The following CEP112 variants were observed in gnomAD, a reference collection of about 807,000 sequenced individuals.
CEP112 encodes centrosomal protein of 112 kDa.
Under a neutral mutation model 153.0 loss-of-function variants are expected in CEP112, and 127 were observed. The ratio of observed to expected loss-of-function variants is 0.83; its 90% CI spans 0.72 to 0.96. CEP112 has a LOEUF of 0.96. CEP112 is among the 40% of genes least tolerant of loss of function. The pLI is 0.00. For synonymous variants in CEP112, 358 were observed against 374.4 expected, an observed-to-expected ratio of 0.96 and a Z score of 0.51; for missense variants, 1,089 against 1,101.2, an observed-to-expected ratio of 0.99 and a Z score of 0.16.
chr17:66,116,542 T>C (rs1216500149), intron 6 of CEP112, among the ~76,000 whole-genome samples: 2 of 152,282 alleles, frequency 1.3e-5, no homozygotes, highest in East Asian at 3.9e-4. Flanking sequence ...CTGCACTTGG[T>C]TTTTATTACT....
chr17:66,063,611 G>A (rs2067006129), intron 10 of CEP112, among the ~76,000 whole-genome samples: 1 of 152,134 alleles, frequency 6.6e-6, no homozygotes, highest in Non-Finnish European at 1.5e-5. Context: ...ATGAATCCAT[G>A]TAACCAAAAC....
chr17:65,807,465 T>C (rs1352675496), intron 21 of CEP112, among the ~76,000 whole-genome samples: 1 of 152,182 alleles, frequency 6.6e-6, no homozygotes, highest in Non-Finnish European at 1.5e-5. Flanking sequence ...CAAATGTTAA[T>C]AGCCAAGACA....
intron 18 of CEP112, 27 bp from the exon 19 acceptor site, chr17:65,927,716 A>G: frequency 1.4e-6 from 2 of 1,401,112 alleles, no homozygotes; most frequent in South Asian, 1.4e-5. Flanking sequence ...TCAAATATTA[A>G]TTTTTTAAAC....
intron 4 of CEP112, among the ~76,000 whole-genome samples, chr17:66,139,437 T>C (rs2070586920): frequency 6.6e-6 from 1 of 151,970 alleles, no homozygotes; most frequent in African/African-American, 2.4e-5. Context: ...GCCTCATTTC[T>C]ACAAAAAAAT....
chr17:65,691,243 G>GT (rs1246341790), intron 23 of CEP112, among the ~76,000 whole-genome samples: 1 of 152,148 alleles, frequency 6.6e-6, no homozygotes. Flanking sequence ...GGAGACACGA[G>GT]TTCAGACACA....
intron 17 of CEP112, among the ~76,000 whole-genome samples, chr17:65,977,602 C>T (rs1317654509): frequency 6.6e-6 from 1 of 152,126 alleles, no homozygotes; most frequent in African/African-American, 2.4e-5. Context: ...TGGTGGGCAG[C>T]AGTCAGAGCT....
chr17:65,990,336 G>A (rs2063551350), intron 17 of CEP112, among the ~76,000 whole-genome samples: 1 of 152,204 alleles, frequency 6.6e-6, no homozygotes, highest in Non-Finnish European at 1.5e-5. Context: ...CAAAACTCAG[G>A]TGAGCAATCA....
intron 20 of CEP112, among the ~76,000 whole-genome samples, chr17:65,877,797 T>C (rs1265606784): frequency 1.3e-5 from 2 of 152,154 alleles, no homozygotes; most frequent in East Asian, 3.9e-4. Flanking sequence ...AGTTTAAAAA[T>C]TAGTAGGCAT....
chr17:66,188,592 T>C (rs1423527078), intron 1 of CEP112, among the ~76,000 whole-genome samples: 1 of 151,868 alleles, frequency 6.6e-6, no homozygotes, highest in African/African-American at 2.4e-5. Context: ...CTGTTTTTTT[T>C]TTTTTTTACA....
At chr17:65,982,613 G>A (rs1170581446) in intron 17 of CEP112, among the ~76,000 whole-genome samples, 1 of 152,162 alleles carries the variant, frequency 6.6e-6, no homozygotes, top group Non-Finnish European at 1.5e-5. Flanking sequence ...AGGGTAAAAG[G>A]GAAATGTGTG....
intron 21 of CEP112, among the ~76,000 whole-genome samples, chr17:65,754,528 G>A (rs1201637820): frequency 6.6e-6 from 1 of 152,198 alleles, no homozygotes; most frequent in East Asian, 1.9e-4. Flanking sequence ...AGAATCATTT[G>A]AACTGGGAGG....
chr17:65,892,458 T>A (rs2059500427), intron 20 of CEP112, among the ~76,000 whole-genome samples: 1 of 152,166 alleles, frequency 6.6e-6, no homozygotes, highest in African/African-American at 2.4e-5. Flanking sequence ...TTTACTCTAC[T>A]ACTCTTGTTC....
rs3074178 is a variant in CEP112 at position 65,704,420 on chromosome 17, T to TACACACACACACACAC, written c.2608-15218_2608-15203dup. Among the ~76,000 whole-genome samples, 6 of 147,704 alleles carry TACACACACACACACAC rather than the reference T, an allele frequency of 4.1e-5. No individual in the cohort carries two copies. The East Asian group carries it at 1.0e-3, about 25-fold the overall frequency. On this transcript the variant is annotated intron_variant, in intron 23 of 26. Transcript: ENST00000535342. Reference sequence around the variant, plus strand: ...ATTTTCTCTTGTAAAACGTGTAAAATACACACACACACACACACACACACA... The same window carrying TACACACACACACACAC: ...ATTTTCTCTTGTAAAACGTGTAAAATACACACACACACACACACACACACACACACACACACACACA...
At chr17:65,659,015 C>CAAAAAAAAAAAA (rs777326885) in intron 24 of CEP112, among the ~76,000 whole-genome samples, 2 of 55,578 alleles carry the variant, frequency 3.6e-5, no homozygotes, top group African/African-American at 1.2e-4. Flanking sequence ...GACTCTGTCT[C>CAAAAAAAAAAAA]AAAAAAAAAA....
At chr17:66,041,837 C>T (rs1367709047) in intron 12 of CEP112, among the ~76,000 whole-genome samples, 1 of 152,070 alleles carries the variant, frequency 6.6e-6, no homozygotes, top group Non-Finnish European at 1.5e-5. Context: ...AAAAGTCTCC[C>T]ATGCAGAAAA....
In CEP112 at chr17:66,053,762, C is replaced by CT. The variant is rs774004846; in HGVS notation, c.1191_1192insA (p.Glu398ArgfsTer31). On this transcript the variant is annotated frameshift_variant, in exon 12 of 27. Transcript: ENST00000535342. LOFTEE classifies it high-confidence loss of function. Reference sequence around the variant, plus strand: ...GTGGACTGTGTTTGCGCCATGTATTCACTCTCCATTTTATTCAGACGCACA... The same window carrying CT: ...GTGGACTGTGTTTGCGCCATGTATTCTACTCTCCATTTTATTCAGACGCACA... 4.3e-6 allele frequency: 7 copies of CT among 1,613,064 alleles called. No homozygotes were observed. The highest frequency in any genetic ancestry group is 1.7e-4 in the Middle Eastern group (1 of 6,056).
At chr17:66,112,830 T>C (rs532056349) in intron 6 of CEP112, among the ~76,000 whole-genome samples, 1 of 152,196 alleles carries the variant, frequency 6.6e-6, no homozygotes, top group Admixed American at 6.5e-5. Context: ...CCTGTAATCC[T>C]AGCTACTTCA....
At chr17:65,749,457 G>A (rs1321427320) in intron 22 of CEP112, among the ~76,000 whole-genome samples, 2 of 151,930 alleles carry the variant, frequency 1.3e-5, no homozygotes, top group Admixed American at 6.6e-5. Context: ...GCAGTGAGCC[G>A]AGATTGCACC....
chr17:65,944,520 T>C (rs16958688), intron 18 of CEP112, among the ~76,000 whole-genome samples: 72,821 of 152,024 alleles, frequency 0.48, 18,446 homozygotes, highest in East Asian at 0.89. Flanking sequence ...ATGAACATCA[T>C]AATTGTTGCA....
Sources: gnomAD v4.1 joint callset for allele counts (sites outside exome capture counted in the v4.1 genomes callset) on GRCh38, gnomAD v4.1.1 for gene constraint, MANE v1.5 for transcripts, NCBI Gene and HGNC (gene_info 2026-07-23, HGNC 2026-07-21) for gene names.